The following AGBL4 variants were observed in gnomAD, a reference collection of about 807,000 sequenced individuals.
AGBL4 encodes cytosolic carboxypeptidase 6.
A neutral mutation model predicts 66.4 loss-of-function variants in AGBL4; 58 were observed. The observed-to-expected ratio is 0.87, with a 90% CI of 0.71 to 1.09. The LOEUF (loss-of-function observed/expected upper bound fraction) is 1.09, where lower values mean the gene tolerates loss of function less well. Among genes scored for constraint, AGBL4 ranks in the 50% least tolerant of loss-of-function variants. The pLI is 0.00. For synonymous variants in AGBL4, 234 were observed against 222.9 expected (o/e 1.05, Z -0.44); for missense variants, 579 against 631.0 (o/e 0.92, Z 0.88).
At chr1:49,538,220 C>A (rs1370150532) in intron 3 of AGBL4, among the ~76,000 whole-genome samples, 1 of 152,118 alleles carries the variant, frequency 6.6e-6, no homozygotes, top group Non-Finnish European at 1.5e-5. Context: ...CAGTGGATGA[C>A]TGGAGAAAGA....
intron 1 of AGBL4, among the ~76,000 whole-genome samples, chr1:49,975,661 G>A (rs1658498835): frequency 6.6e-6 from 1 of 152,094 alleles, no homozygotes; most frequent in African/African-American, 2.4e-5. Context: ...ATTTGAAATC[G>A]TAGCTCTAAT....
At chr1:48,806,877 G>A (rs887192369) in intron 6 of AGBL4, among the ~76,000 whole-genome samples, 18 of 152,168 alleles carry the variant, frequency 1.2e-4, no homozygotes, top group Middle Eastern at 3.2e-3. Context: ...GTTACCATAT[G>A]AACTATTCCC....
chr1:49,860,963 A>T (rs916642258), intron 1 of AGBL4, among the ~76,000 whole-genome samples: 1 of 152,130 alleles, frequency 6.6e-6, no homozygotes, highest in African/African-American at 2.4e-5. Flanking sequence ...AGGCAGCTAC[A>T]GAGTGGTGCA....
chr1:48,616,510 C>A (rs1645320935), intron 9 of AGBL4, among the ~76,000 whole-genome samples: 1 of 152,162 alleles, frequency 6.6e-6, no homozygotes, highest in African/African-American at 2.4e-5. Flanking sequence ...TGCAAGCCAC[C>A]CTGATTCTGG....
At chr1:49,186,408 T>C (rs1482842998) in intron 4 of AGBL4, among the ~76,000 whole-genome samples, 1 of 152,182 alleles carries the variant, frequency 6.6e-6, no homozygotes, top group African/African-American at 2.4e-5. Context: ...ACTAAAAGTA[T>C]AAACTTTCGT....
At chr1:49,994,502 C>A (rs938194638) in intron 1 of AGBL4, 4 of 152,064 alleles carry the variant, frequency 2.6e-5, no homozygotes, top group African/African-American at 9.7e-5. Flanking sequence ...TTTCTTGAGC[C>A]CAGGAGTTGA....
intron 5 of AGBL4, among the ~76,000 whole-genome samples, chr1:49,029,279 A>G (rs1278838620): frequency 6.6e-6 from 1 of 152,168 alleles, no homozygotes; most frequent in Non-Finnish European, 1.5e-5. Flanking sequence ...AAATATATCT[A>G]CTTGCAGATG....
intron 4 of AGBL4, among the ~76,000 whole-genome samples, chr1:49,222,025 G>A (rs1433662952): frequency 6.6e-6 from 1 of 152,124 alleles, no homozygotes; most frequent in Admixed American, 6.6e-5. Context: ...ATTAGGGCCT[G>A]TCTGAATCAT....
At chr1:48,912,664 C>T (rs943979777) in intron 5 of AGBL4, among the ~76,000 whole-genome samples, 1 of 152,136 alleles carries the variant, frequency 6.6e-6, no homozygotes, top group Non-Finnish European at 1.5e-5. Context: ...AAGGTGGTTT[C>T]CTGTCCAGCC....
intron 2 of AGBL4, among the ~76,000 whole-genome samples, chr1:49,725,402 C>T (rs577464043): frequency 6.6e-6 from 1 of 152,222 alleles, no homozygotes; most frequent in South Asian, 2.1e-4. Flanking sequence ...TTTGAGCCTA[C>T]CAGAAATCTC....
intron 2 of AGBL4, among the ~76,000 whole-genome samples, chr1:49,831,266 TG>T (rs1340440427): frequency 6.6e-6 from 1 of 152,234 alleles, no homozygotes; most frequent in Non-Finnish European, 1.5e-5. Flanking sequence ...CATTCGTTTG[TG>T]TCCTCTCTTA....
At chr1:49,296,572 G>C (rs911208820) in intron 3 of AGBL4, among the ~76,000 whole-genome samples, 2 of 152,188 alleles carry the variant, frequency 1.3e-5, no homozygotes, top group African/African-American at 4.8e-5. Flanking sequence ...AGTTCTGACA[G>C]TCTGTGACTC....
intron 5 of AGBL4, among the ~76,000 whole-genome samples, chr1:48,996,399 T>G (rs1421900143): frequency 6.6e-6 from 1 of 152,140 alleles, no homozygotes; most frequent in East Asian, 1.9e-4. Context: ...GTGGCTAGAG[T>G]ACTTTAACAT....
chr1:49,404,671 T>G (rs1265098101), intron 3 of AGBL4, among the ~76,000 whole-genome samples: 1 of 152,196 alleles, frequency 6.6e-6, no homozygotes, highest in Non-Finnish European at 1.5e-5. Flanking sequence ...ATTAACTGAG[T>G]GTTTACAAAA....
At chr1:48,968,281 G>A (rs1658615364) in intron 5 of AGBL4, among the ~76,000 whole-genome samples, 1 of 152,116 alleles carries the variant, frequency 6.6e-6, no homozygotes, top group East Asian at 1.9e-4. Context: ...CAGATCACAT[G>A]TGGCCTCTCG....
At chr1:48,671,263 G>A (rs969932658) in intron 6 of AGBL4, among the ~76,000 whole-genome samples, 1 of 152,266 alleles carries the variant, frequency 6.6e-6, no homozygotes, top group African/African-American at 2.4e-5. Context: ...CAAGAAGGCT[G>A]AGGACAAAGG....
intron 3 of AGBL4, among the ~76,000 whole-genome samples, chr1:49,408,106 C>T (rs1273631200): frequency 6.6e-6 from 1 of 152,148 alleles, no homozygotes; most frequent in Non-Finnish European, 1.5e-5. Flanking sequence ...TGATTCTACT[C>T]CTTTGCCTGA....
At chr1:49,407,021 C>T (rs934079952) in intron 3 of AGBL4, among the ~76,000 whole-genome samples, 14 of 139,648 alleles carry the variant, frequency 1.0e-4, no homozygotes, top group African/African-American at 3.0e-4. Context: ...GCCGAGATAA[C>T]GCCACTGCAT....
At chr1:49,276,816 C>T (rs538287011) in intron 3 of AGBL4, among the ~76,000 whole-genome samples, 5 of 152,300 alleles carry the variant, frequency 3.3e-5, no homozygotes, top group Admixed American at 3.3e-4. Flanking sequence ...TTATAAGGTT[C>T]TGCACCCCAC....
Sources: allele counts gnomAD v4.1 joint callset (sites outside exome capture counted in the v4.1 genomes callset), GRCh38; gene constraint gnomAD v4.1.1; transcripts MANE v1.5; gene names NCBI Gene and HGNC (gene_info 2026-07-23, HGNC 2026-07-21).